LRBA: variants seen among roughly 807,000 people sequenced by gnomAD.
The protein encoded by LRBA is lipopolysaccharide-responsive and beige-like anchor protein.
LRBA carries 176 observed loss-of-function variants against 330.0 expected under a neutral mutation model. The ratio of observed to expected loss-of-function variants is 0.53; its 90% CI spans 0.47 to 0.60. The LOEUF is 0.60. LRBA is among the 20% of genes least tolerant of loss of function. LRBA has a pLI of 0.00. For missense variants in LRBA, 3,259 were observed against 3,444.8 expected (o/e 0.95, Z 1.35); for synonymous variants, 1,230 against 1,193.0 (o/e 1.03, Z -0.64).
Position 150,925,147 on chromosome 4 carries a change from G to C in LRBA, c.549+3369C>G, listed in dbSNP as rs545896348. ...CACCATTGCACTCCAGCCTGGATGA[G>C]AGTGAGACCCTGTCTTTAAAAAAAA... On this transcript the variant is annotated intron_variant, in intron 4 of 56. Transcript: ENST00000651943. Among the ~76,000 whole-genome samples, 26 of 145,962 alleles carry C rather than the reference G, an allele frequency of 1.8e-4. No individual in the cohort carries two copies. In the East Asian group the frequency reaches 3.4e-3, roughly 19 times the overall value.
intron 36 of LRBA, among the ~76,000 whole-genome samples, chr4:150,723,226 G>A (rs1729173280): frequency 6.6e-6 from 1 of 152,142 alleles, no homozygotes; most frequent in Non-Finnish European, 1.5e-5. Context: ...AGCTTGCGTG[G>A]CTAAGGAAGT....
intron 42 of LRBA, among the ~76,000 whole-genome samples, chr4:150,478,203 G>A (rs943613437): frequency 6.6e-6 from 1 of 151,942 alleles, no homozygotes; most frequent in Non-Finnish European, 1.5e-5. Context: ...CAATTACTAG[G>A]CCTTTCTTTT....
chr4:150,678,035 T>C (rs1251175938), intron 37 of LRBA, among the ~76,000 whole-genome samples: 5 of 151,314 alleles, frequency 3.3e-5, no homozygotes, highest in Admixed American at 3.3e-4. Context: ...AGGTCAGGAG[T>C]TCGAGACCAG....
chr4:150,269,025 G>A (rs1231518755), intron 56 of LRBA, among the ~76,000 whole-genome samples: 1 of 149,944 alleles, frequency 6.7e-6, no homozygotes, highest in Non-Finnish European at 1.5e-5. Flanking sequence ...GCTAATAAAT[G>A]AATTCAGCAA....
intron 37 of LRBA, among the ~76,000 whole-genome samples, chr4:150,681,021 T>C (rs1478906164): frequency 1.3e-5 from 2 of 152,212 alleles, no homozygotes; most frequent in African/African-American, 4.8e-5. Context: ...AATTTCTAAA[T>C]ATTCTAATAT....
rs534052148 is a variant in LRBA, at chr4:150,475,908, A to C, written c.6552-4169T>G. Among the ~76,000 whole-genome samples, 642 of 143,814 alleles carry C rather than the reference A, an allele frequency of 4.5e-3. 3 individuals carry two copies. Among genetic ancestry groups the C allele is most frequent in the African/African-American group, 0.016 (620 of 38,946 alleles). The allele number at this position is 143,814 out of a possible 152,430, so 94.3% of individuals were successfully genotyped here. On this transcript the variant is annotated intron_variant, in intron 42 of 56. Transcript: ENST00000651943. ...CAACAGAGCAAGATCGTGTCTCTAC[A>C]AAAAAAAAAAAGAAAAATAAACAGG...
intron 36 of LRBA, chr4:150,683,989 C>G (rs537112180): frequency 6.9e-6 from 2 of 289,188 alleles, no homozygotes; most frequent in African/African-American, 2.2e-5. Context: ...TTGTAAGAAG[C>G]AGGGGCCCAG....
At chr4:150,815,364 AAG>A (rs1035953696) in intron 31 of LRBA, among the ~76,000 whole-genome samples, 14 of 151,836 alleles carry the variant, frequency 9.2e-5, no homozygotes, top group African/African-American at 3.4e-4. Flanking sequence ...AAAAAAAAAA[AAG>A]AGGCATCAGA....
chr4:150,609,431 T>G (rs1266278629), intron 37 of LRBA, among the ~76,000 whole-genome samples: 1 of 152,110 alleles, frequency 6.6e-6, no homozygotes, highest in African/African-American at 2.4e-5. Context: ...AGTTTATACA[T>G]CCGGGGACAG....
chr4:150,427,585 A>G (rs1382130910), intron 46 of LRBA, among the ~76,000 whole-genome samples: 1 of 151,980 alleles, frequency 6.6e-6, no homozygotes, highest in Non-Finnish European at 1.5e-5. Flanking sequence ...AACAGAAGGA[A>G]GGAGGGAAGA....
intron 2 of LRBA, among the ~76,000 whole-genome samples, chr4:150,992,447 G>A (rs566563267): frequency 1.3e-5 from 2 of 152,288 alleles, no homozygotes; most frequent in South Asian, 2.1e-4. Context: ...GACAGTAAAC[G>A]AAGTGTAGGA....
At chr4:150,356,693 A>G (rs1276593149) in intron 47 of LRBA, among the ~76,000 whole-genome samples, 2 of 152,000 alleles carry the variant, frequency 1.3e-5, no homozygotes, top group East Asian at 3.9e-4. Context: ...AAATGCATCA[A>G]TTTCACTAAT....
intron 36 of LRBA, among the ~76,000 whole-genome samples, chr4:150,723,548 A>G (rs1011569338): frequency 2.0e-5 from 3 of 152,176 alleles, no homozygotes; most frequent in Non-Finnish European, 4.4e-5. Context: ...GCCCTGAATA[A>G]CCAGCAGTGA....
At chr4:150,433,758 T>A (rs540064289) in intron 46 of LRBA, among the ~76,000 whole-genome samples, 1 of 152,254 alleles carries the variant, frequency 6.6e-6, no homozygotes, top group Admixed American at 6.5e-5. Flanking sequence ...AATTATTATA[T>A]CTGTTAACTA....
At chr4:150,421,513 C>T (rs1748795915) in intron 46 of LRBA, among the ~76,000 whole-genome samples, 1 of 151,700 alleles carries the variant, frequency 6.6e-6, no homozygotes. Flanking sequence ...TGATGTAGCA[C>T]ATCATTATCA....
chr4:150,302,856 T>A, intron 52 of LRBA, 64 bp from the exon 53 acceptor site: 1 of 1,251,988 alleles, frequency 8.0e-7, no homozygotes, highest in Non-Finnish European at 1.1e-6. Flanking sequence ...AGTGAACAGA[T>A]AACTTGTAAA....
At chr4:150,416,389 A>G (rs1475057103) in intron 46 of LRBA, among the ~76,000 whole-genome samples, 1 of 152,220 alleles carries the variant, frequency 6.6e-6, no homozygotes, top group East Asian at 1.9e-4. Context: ...AGTTGAGTAA[A>G]ATAGGGAGGT....
At chr4:150,400,380 G>A (rs1333136773) in intron 47 of LRBA, among the ~76,000 whole-genome samples, 2 of 152,128 alleles carry the variant, frequency 1.3e-5, no homozygotes, top group Non-Finnish European at 2.9e-5. Context: ...ATCTGCTGCT[G>A]AGATGCAGAT....
At chr4:150,350,980 G>A (rs1476085845) in intron 47 of LRBA, among the ~76,000 whole-genome samples, 1 of 152,158 alleles carries the variant, frequency 6.6e-6, no homozygotes, top group Admixed American at 6.5e-5. Flanking sequence ...ATTAGATTTT[G>A]TGGGGGATAC....
Sources: gnomAD v4.1 joint callset for allele counts (sites outside exome capture counted in the v4.1 genomes callset) on GRCh38, gnomAD v4.1.1 for gene constraint, MANE v1.5 for transcripts, NCBI Gene and HGNC (gene_info 2026-07-23, HGNC 2026-07-21) for gene names.